PRELID2: variants seen among roughly 807,000 people sequenced by gnomAD.
The protein encoded by PRELID2 is PRELI domain containing 2, also known as PRELI domain-containing protein 2.
PRELID2 carries 25 observed loss-of-function variants against 28.4 expected under a neutral mutation model. The observed-to-expected ratio is 0.88, with a 90% CI of 0.64 to 1.23. The LOEUF (loss-of-function observed/expected upper bound fraction) is 1.23, where lower values mean the gene tolerates loss of function less well. Among genes scored for constraint, PRELID2 ranks in the 50% most tolerant of loss-of-function variants. The pLI is 0.00. For synonymous variants in PRELID2, 76 were observed against 71.6 expected (o/e 1.06, Z -0.31); for missense variants, 201 against 214.4 (o/e 0.94, Z 0.39).
At chr5:145,640,201 C>T (rs59542015) in intron 1 of PRELID2, among the ~76,000 whole-genome samples, 4,358 of 152,060 alleles carry the variant, frequency 0.029, 190 homozygotes, top group African/African-American at 0.095. Flanking sequence ...AAAAATTGGC[C>T]GGCGGCCGGG....
intron 1 of PRELID2, among the ~76,000 whole-genome samples, chr5:145,525,664 A>G (rs1261275053): frequency 6.6e-6 from 1 of 152,080 alleles, no homozygotes; most frequent in African/African-American, 2.4e-5. Flanking sequence ...CTCAGGCAAA[A>G]ATTAAGTTTT....
At chr5:145,231,214 C>G in the PRELID2 span, among the ~76,000 whole-genome samples, 1 of 147,132 alleles carries the variant, frequency 6.8e-6, no homozygotes, top group South Asian at 2.2e-4. Context: ...ATGATCCACT[C>G]TTTTTTTTTT....
At chr5:145,784,071 C>A (rs1390672659) in intron 5 of PRELID2, among the ~76,000 whole-genome samples, 1 of 151,862 alleles carries the variant, frequency 6.6e-6, no homozygotes, top group African/African-American at 2.4e-5. Flanking sequence ...CACTTGAGGC[C>A]ACAGGTCCGA....
At chr5:145,409,211 A>AT in the PRELID2 span, among the ~76,000 whole-genome samples, 1 of 152,184 alleles carries the variant, frequency 6.6e-6, no homozygotes, top group East Asian at 1.9e-4. Flanking sequence ...CAAGAAGTGC[A>AT]AAAAGGAGTT....
the PRELID2 span, among the ~76,000 whole-genome samples, chr5:145,349,967 G>A: frequency 6.6e-6 from 1 of 152,106 alleles, no homozygotes; most frequent in Admixed American, 6.6e-5. Context: ...CTCCCAAGAG[G>A]AATAAAAATG....
intron 1 of PRELID2, among the ~76,000 whole-genome samples, chr5:145,704,647 C>G (rs898509345): frequency 1.3e-5 from 2 of 152,186 alleles, no homozygotes; most frequent in East Asian, 3.8e-4. Flanking sequence ...TATAGAGGAG[C>G]CACTTTGTAA....
intron 1 of PRELID2, among the ~76,000 whole-genome samples, chr5:145,711,824 G>T (rs1561553500): frequency 6.6e-6 from 1 of 152,002 alleles, no homozygotes; most frequent in Non-Finnish European, 1.5e-5. Flanking sequence ...CAGAGGCAGG[G>T]TAGCACAGTG....
intron 1 of PRELID2, among the ~76,000 whole-genome samples, chr5:145,609,923 G>A (rs1001054174): frequency 1.3e-5 from 2 of 152,220 alleles, no homozygotes; most frequent in Non-Finnish European, 1.5e-5. Flanking sequence ...GTCTGGCAAA[G>A]GAGGGTAGAG....
intron 1 of PRELID2, among the ~76,000 whole-genome samples, chr5:145,734,722 T>G (rs200912270): frequency 3.9e-5 from 6 of 152,206 alleles, no homozygotes; most frequent in African/African-American, 1.4e-4. Flanking sequence ...TGCTAATTAT[T>G]TTTACAATGA....
At chr5:145,576,838 GTAA>G (rs1753064991) in intron 1 of PRELID2, among the ~76,000 whole-genome samples, 1 of 152,082 alleles carries the variant, frequency 6.6e-6, no homozygotes, top group Non-Finnish European at 1.5e-5. Context: ...AAATAAAATA[GTAA>G]TGTTTGAGTT....
intron 1 of PRELID2, among the ~76,000 whole-genome samples, chr5:145,666,353 G>A (rs769787311): frequency 1.1e-4 from 16 of 152,058 alleles, no homozygotes; most frequent in Admixed American, 2.6e-4. Flanking sequence ...AGCCTCCATC[G>A]CTGAAGCAGG....
At chr5:145,229,877 C>A in the PRELID2 span, 1 of 752,184 alleles carries the variant, frequency 1.3e-6, no homozygotes, top group Non-Finnish European at 2.4e-6. Flanking sequence ...TGCCGGTCCT[C>A]AAGGGCCAGG....
At chr5:145,478,830 CTG>C (rs1283520364) in intron 1 of PRELID2, among the ~76,000 whole-genome samples, 1 of 152,186 alleles carries the variant, frequency 6.6e-6, no homozygotes, top group Admixed American at 6.5e-5. Flanking sequence ...ACATGTGTAA[CTG>C]TGGGACCAGC....
At chr5:145,819,471 T>G in intron 3 of PRELID2, 2 of 1,121,734 alleles carry the variant, frequency 1.8e-6, no homozygotes, top group Non-Finnish European at 1.3e-6. Flanking sequence ...ATGATATTAC[T>G]TTAGAGAAAT....
At chr5:145,391,370 G>A in the PRELID2 span, among the ~76,000 whole-genome samples, 2 of 152,226 alleles carry the variant, frequency 1.3e-5, no homozygotes, top group African/African-American at 4.8e-5. Flanking sequence ...CTGAAGCAAT[G>A]GCCTGAGCTG....
At chr5:145,540,559 G>A (rs1752737325) in intron 1 of PRELID2, among the ~76,000 whole-genome samples, 1 of 151,632 alleles carries the variant, frequency 6.6e-6, no homozygotes, top group South Asian at 2.1e-4. Context: ...CAAAACTCTA[G>A]ATATAACTAC....
chr5:145,792,099 C>T (rs1263898889), intron 5 of PRELID2, among the ~76,000 whole-genome samples: 4 of 152,116 alleles, frequency 2.6e-5, no homozygotes, highest in African/African-American at 4.8e-5. Context: ...TGTATCACAT[C>T]GCCTCACTCT....
the PRELID2 span, among the ~76,000 whole-genome samples, chr5:145,325,341 T>C: frequency 6.6e-6 from 1 of 152,182 alleles, no homozygotes; most frequent in Non-Finnish European, 1.5e-5. Context: ...TTCAACTAAG[T>C]GCTACAACAT....
downstream of PRELID2, among the ~76,000 whole-genome samples, chr5:145,756,243 C>G (rs1453584664): frequency 4.6e-5 from 7 of 152,174 alleles, no homozygotes; most frequent in Admixed American, 4.6e-4. Flanking sequence ...ACACCCTCAT[C>G]TGGGGCAGCT....
Sources: gnomAD v4.1 joint callset for allele counts (sites outside exome capture counted in the v4.1 genomes callset) on GRCh38, gnomAD v4.1.1 for gene constraint, MANE v1.5 for transcripts, NCBI Gene and HGNC (gene_info 2026-07-23, HGNC 2026-07-21) for gene names.